GABRG3: variants seen among roughly 807,000 people sequenced by gnomAD.
The protein encoded by GABRG3 is gamma-aminobutyric acid receptor subunit gamma-3.
Under a neutral mutation model 48.8 loss-of-function variants are expected in GABRG3, and 25 were observed. The ratio of observed to expected loss-of-function variants is 0.51; its 90% confidence interval spans 0.37 to 0.72. GABRG3 has a LOEUF of 0.72. Ranked by LOEUF, GABRG3 falls within the 30% of genes least tolerant of loss-of-function variation. The pLI is 0.00. For missense variants in GABRG3, 394 were observed against 577.9 expected (o/e 0.68, Z 3.26); for synonymous variants, 227 against 217.6 (o/e 1.04, Z -0.38).
At chr15:27,341,372 A>C (rs1464951062) in intron 5 of GABRG3, among the ~76,000 whole-genome samples, 1 of 152,132 alleles carries the variant, frequency 6.6e-6, no homozygotes, top group African/African-American at 2.4e-5. Context: ...TATTCACTCA[A>C]AAAGTTTAGA....
At chr15:27,307,032 G>A (rs868011479) in intron 3 of GABRG3, among the ~76,000 whole-genome samples, 993 of 45,278 alleles carry the variant, frequency 0.022, 71 homozygotes, top group African/African-American at 0.054. Context: ...ATATAAACAT[G>A]TATAAAATAA....
chr15:27,106,677 A>G (rs1030206572), intron 3 of GABRG3, among the ~76,000 whole-genome samples: 1 of 152,068 alleles, frequency 6.6e-6, no homozygotes, highest in Non-Finnish European at 1.5e-5. Context: ...AAGATTTAGC[A>G]GGACTGACAA....
chr15:27,008,410 G>A (rs1895626050), intron 2 of GABRG3, among the ~76,000 whole-genome samples: 1 of 152,148 alleles, frequency 6.6e-6, no homozygotes, highest in Admixed American at 6.5e-5. Context: ...ATGTGCACAT[G>A]CCCTTAATTT....
intron 5 of GABRG3, among the ~76,000 whole-genome samples, chr15:27,441,788 G>T (rs1216327041): frequency 6.6e-6 from 1 of 152,048 alleles, no homozygotes; most frequent in East Asian, 1.9e-4. Flanking sequence ...CACAGTCTAC[G>T]GAGTTGTTCC....
At chr15:27,317,212 T>A (rs986930405) in intron 3 of GABRG3, among the ~76,000 whole-genome samples, 66 of 152,198 alleles carry the variant, frequency 4.3e-4, no homozygotes, top group African/African-American at 1.4e-3. Context: ...GCATGGCAAC[T>A]CTGACTCCTC....
intron 3 of GABRG3, among the ~76,000 whole-genome samples, chr15:27,278,774 G>A (rs1891338672): frequency 6.6e-6 from 1 of 152,170 alleles, no homozygotes; most frequent in South Asian, 2.1e-4. Flanking sequence ...ATGGGCATAA[G>A]TTTTCATTTC....
At chr15:27,404,360 G>A (rs1444371408) in intron 5 of GABRG3, among the ~76,000 whole-genome samples, 1 of 152,158 alleles carries the variant, frequency 6.6e-6, no homozygotes, top group Non-Finnish European at 1.5e-5. Flanking sequence ...GTTCCTCACT[G>A]GTAGCTGTGA....
chr15:27,490,619 A>C (rs1005195904), intron 6 of GABRG3, among the ~76,000 whole-genome samples: 5 of 152,132 alleles, frequency 3.3e-5, no homozygotes, highest in Non-Finnish European at 7.4e-5. Flanking sequence ...TCTTTGTCCA[A>C]TGAAACTTTT....
chr15:27,122,215 C>A lies in GABRG3; in HGVS notation c.270+95394C>A, dbSNP rs144083611. ...CCTGTATCAAAACATCTCATGTACCCCATAAATATATACACCTACTGTGTA... is the reference window on the plus strand; with the variant it reads ...CCTGTATCAAAACATCTCATGTACCACATAAATATATACACCTACTGTGTA... On this transcript the variant is annotated intron_variant, in intron 3 of 9. Coordinates refer to ENST00000615808, the MANE Select transcript of GABRG3 (RefSeq NM_033223.5). Among the ~76,000 whole-genome samples, 18 of 151,844 alleles carry A rather than the reference C, an allele frequency of 1.2e-4. No individual in the cohort carries two copies. In the East Asian group the frequency reaches 2.7e-3, roughly 23 times the overall value.
At chr15:27,462,431 T>C (rs551980207) in intron 5 of GABRG3, among the ~76,000 whole-genome samples, 12 of 152,150 alleles carry the variant, frequency 7.9e-5, no homozygotes, top group East Asian at 5.8e-4. Context: ...CCCCAGCAGA[T>C]TGGATAGAGA....
chr15:27,073,673 A>G (rs188990696), intron 3 of GABRG3, among the ~76,000 whole-genome samples: 8 of 152,328 alleles, frequency 5.3e-5, no homozygotes, highest in East Asian at 1.9e-4. Flanking sequence ...ATTGCTATTT[A>G]ATAATGTCTC....
chr15:27,291,201 T>C (rs1311023396), intron 3 of GABRG3, among the ~76,000 whole-genome samples: 1 of 152,206 alleles, frequency 6.6e-6, no homozygotes, highest in Non-Finnish European at 1.5e-5. Flanking sequence ...TTCCAAGATG[T>C]TCAGCAACAT....
intron 3 of GABRG3, among the ~76,000 whole-genome samples, chr15:27,282,123 T>C (rs1891454736): frequency 6.6e-6 from 1 of 152,204 alleles, no homozygotes; most frequent in Non-Finnish European, 1.5e-5. Context: ...TGAGTGTTTG[T>C]TTCTCTTCAG....
chr15:27,540,937 C>T lies in GABRG3; in HGVS notation c.*8056C>T, dbSNP rs1024726099. ...TTTAGCTGAAACAAGTAGAAAGGAG[C>T]GCAGTTTTCTAGCGATAGCGTATTA... On this transcript the variant is annotated 3_prime_UTR_variant, in exon 10 of 10. Transcript: ENST00000615808. The T allele has an allele frequency of 1.2e-4, 18 of 152,104 alleles. No individual in the cohort carries two copies. Among genetic ancestry groups the T allele is most frequent in the African/African-American group, 3.4e-4 (14 of 41,390 alleles). 9.4% of individuals were successfully genotyped at this position (152,104 alleles called of 1,614,324 possible). A position where few individuals can be genotyped will look rare whatever the true frequency, so the allele number is the denominator to read the frequency against.
chr15:27,025,312 A>T (rs1895966160), intron 2 of GABRG3, among the ~76,000 whole-genome samples: 2 of 152,238 alleles, frequency 1.3e-5, no homozygotes, highest in Admixed American at 1.3e-4. Context: ...TAACCAACTG[A>T]CTTAACACCC....
At chr15:27,134,893 A>G (rs887467034) in intron 3 of GABRG3, among the ~76,000 whole-genome samples, 5 of 152,306 alleles carry the variant, frequency 3.3e-5, no homozygotes, top group Middle Eastern at 3.4e-3. Flanking sequence ...TCTGTGTTGC[A>G]CTTCCAAATC....
At chr15:27,181,318 G>C (rs1887924254) in intron 3 of GABRG3, among the ~76,000 whole-genome samples, 1 of 152,170 alleles carries the variant, frequency 6.6e-6, no homozygotes, top group African/African-American at 2.4e-5. Context: ...AGAAAAACAA[G>C]AGTTAGTTCT....
chr15:27,019,924 T>C (rs985760523), intron 2 of GABRG3, among the ~76,000 whole-genome samples: 9 of 152,218 alleles, frequency 5.9e-5, no homozygotes, highest in African/African-American at 2.2e-4. Flanking sequence ...CCTAGGGTGA[T>C]TTTTAAGCAT....
intron 5 of GABRG3, among the ~76,000 whole-genome samples, chr15:27,371,759 A>G (rs1356741478): frequency 1.3e-5 from 2 of 152,180 alleles, no homozygotes; most frequent in Non-Finnish European, 2.9e-5. Context: ...AACAATTATA[A>G]TGAATTCATC....
Sources: gnomAD v4.1 joint callset for allele counts (sites outside exome capture counted in the v4.1 genomes callset) on GRCh38, gnomAD v4.1.1 for gene constraint, MANE v1.5 for transcripts, NCBI Gene and HGNC (gene_info 2026-07-23, HGNC 2026-07-21) for gene names.